Variants in RBMS3 observed in about 807,000 individuals in gnomAD.
RBMS3 encodes the protein RNA binding motif single stranded interacting protein 3.
Under a neutral mutation model 66.8 loss-of-function variants are expected in RBMS3, and 27 were observed. That is an observed-to-expected ratio of 0.40 (90% CI 0.30 to 0.56). RBMS3 has a LOEUF of 0.56. Ranked by LOEUF, RBMS3 falls within the 20% of genes least tolerant of loss-of-function variation. The pLI is 0.40. For synonymous variants in RBMS3, 188 were observed against 183.0 expected (o/e 1.03, Z -0.22); for missense variants, 513 against 549.5 (o/e 0.93, Z 0.66).
intron 12 of RBMS3, among the ~76,000 whole-genome samples, chr3:29,955,260 C>T (rs1227210164): frequency 2.0e-5 from 3 of 151,922 alleles, no homozygotes; most frequent in East Asian, 1.9e-4. Flanking sequence ...AAGGAGTCAG[C>T]GGGTTCTCAT....
chr3:29,549,059 GTTTTT>G (rs5847579), intron 3 of RBMS3, among the ~76,000 whole-genome samples: 44 of 85,362 alleles, frequency 5.2e-4, no homozygotes, highest in Non-Finnish European at 9.2e-4. Context: ...TCCTACTTCT[GTTTTT>G]TTTTTTTTTT....
At chr3:29,629,716 T>C (rs1670182214) in intron 4 of RBMS3, among the ~76,000 whole-genome samples, 1 of 152,028 alleles carries the variant, frequency 6.6e-6, no homozygotes, top group African/African-American at 2.4e-5. Flanking sequence ...TGGTCAATAA[T>C]TGATTTTATT....
chr3:29,999,596 A>C (rs1377050273), intron 14 of RBMS3, among the ~76,000 whole-genome samples: 1 of 152,214 alleles, frequency 6.6e-6, no homozygotes, highest in Non-Finnish European at 1.5e-5. Context: ...TGATGAGTTC[A>C]TGTCCTTTGT....
intron 3 of RBMS3, among the ~76,000 whole-genome samples, chr3:29,527,279 A>C (rs897956116): frequency 6.6e-6 from 1 of 151,944 alleles, no homozygotes; most frequent in Admixed American, 6.6e-5. Context: ...AAAATACAGA[A>C]TTACAATTTG....
intron 12 of RBMS3, among the ~76,000 whole-genome samples, chr3:29,977,825 C>T (rs1697695713): frequency 6.6e-6 from 1 of 151,776 alleles, no homozygotes; most frequent in South Asian, 2.1e-4. Context: ...CCATTAACCC[C>T]TATATCTGAA....
chr3:29,795,709 A>G (rs1230989642), intron 6 of RBMS3, among the ~76,000 whole-genome samples: 1 of 152,174 alleles, frequency 6.6e-6, no homozygotes, highest in African/African-American at 2.4e-5. Context: ...CTCCTCTGTA[A>G]ACTGGGAGGA....
At chr3:29,471,937 A>C (rs1038192813) in intron 2 of RBMS3, among the ~76,000 whole-genome samples, 1 of 152,092 alleles carries the variant, frequency 6.6e-6, no homozygotes, top group Non-Finnish European at 1.5e-5. Context: ...ATTTCCTGGG[A>C]GAATGATGAA....
intron 5 of RBMS3, among the ~76,000 whole-genome samples, chr3:29,759,956 T>C (rs536004360): frequency 4.4e-4 from 67 of 152,254 alleles, no homozygotes; most frequent in African/African-American, 1.6e-3. Context: ...ATTGCATTTA[T>C]TCTTTCAGAG....
In RBMS3 at chr3:29,691,765, G is replaced by GA. The variant is rs544809256; in HGVS notation, c.400-47948dup. On this transcript the variant is annotated intron_variant, in intron 4 of 14. Transcript: ENST00000383767. ...TTCTGCCCTAGAGTTAAATCTTATG[G>GA]AAAAAAACACTGAAAATAAATAGCA... Among the ~76,000 whole-genome samples, 37 of 151,828 alleles carry GA rather than the reference G, an allele frequency of 2.4e-4. 1 individual carries two copies. The East Asian group carries it at 5.8e-3, about 24-fold the overall frequency.
chr3:29,361,340 G>A (rs1410917591), intron 1 of RBMS3, among the ~76,000 whole-genome samples: 1 of 150,888 alleles, frequency 6.6e-6, no homozygotes, highest in African/African-American at 2.5e-5. Flanking sequence ...ATTCTGGGTT[G>A]AAAATTCTTT....
At chr3:29,432,536 A>G (rs2041247672) in intron 1 of RBMS3, among the ~76,000 whole-genome samples, 3 of 152,288 alleles carry the variant, frequency 2.0e-5, no homozygotes, top group Middle Eastern at 3.4e-3. Flanking sequence ...TGCTGTCTTT[A>G]TTCCATTTTT....
intron 14 of RBMS3, among the ~76,000 whole-genome samples, chr3:29,994,117 G>A (rs1402944500): frequency 6.6e-6 from 1 of 152,214 alleles, no homozygotes; most frequent in Non-Finnish European, 1.5e-5. Flanking sequence ...CCTCACTTGG[G>A]AAGCGCAAGG....
chr3:29,795,283 A>T (rs1025972347), intron 6 of RBMS3, among the ~76,000 whole-genome samples: 3 of 152,222 alleles, frequency 2.0e-5, no homozygotes, highest in Admixed American at 6.5e-5. Context: ...GGAAGCCAGT[A>T]ACCCTGGGAA....
intron 1 of RBMS3, among the ~76,000 whole-genome samples, chr3:29,308,736 TAAAAAAAAAC>T (rs1190928025): frequency 2.8e-5 from 1 of 36,196 alleles, no homozygotes; most frequent in African/African-American, 1.1e-4. Context: ...GCATAGTGAT[TAAAAAAAAAC>T]AAAAAAAAAC....
intron 1 of RBMS3, among the ~76,000 whole-genome samples, chr3:29,411,572 T>C (rs1251498405): frequency 6.6e-6 from 1 of 152,206 alleles, no homozygotes; most frequent in Non-Finnish European, 1.5e-5. Flanking sequence ...CTAATAATGT[T>C]GTGTTAAAAA....
At chr3:29,587,608 AG>A (rs1422177687) in intron 4 of RBMS3, among the ~76,000 whole-genome samples, 1 of 151,732 alleles carries the variant, frequency 6.6e-6, no homozygotes, top group Non-Finnish European at 1.5e-5. Context: ...GTTTTAGAGT[AG>A]TAGAATTATC....
At chr3:29,956,155 G>T (rs2149724726) in intron 12 of RBMS3, among the ~76,000 whole-genome samples, 2 of 152,156 alleles carry the variant, frequency 1.3e-5, no homozygotes, top group South Asian at 4.2e-4. Context: ...TTTTCTTTCT[G>T]TCTGCTTCAC....
intron 1 of RBMS3, among the ~76,000 whole-genome samples, chr3:29,337,888 A>G (rs2036044889): frequency 2.0e-5 from 3 of 152,178 alleles, no homozygotes; most frequent in African/African-American, 7.2e-5. Context: ...GTGGTGCAAA[A>G]TGATTTCTGG....
At chr3:29,748,952 C>G (rs1196249905) in intron 5 of RBMS3, among the ~76,000 whole-genome samples, 1 of 152,050 alleles carries the variant, frequency 6.6e-6, no homozygotes, top group Admixed American at 6.5e-5. Flanking sequence ...CACAGGGTGG[C>G]AAAAATGAGA....
Sources: allele counts gnomAD v4.1 joint callset (sites outside exome capture counted in the v4.1 genomes callset), GRCh38; gene constraint gnomAD v4.1.1; transcripts MANE v1.5; gene names NCBI Gene and HGNC (gene_info 2026-07-23, HGNC 2026-07-21).